The following CAPZA2 variants were observed in gnomAD, a reference collection of about 807,000 sequenced individuals.
The protein encoded by CAPZA2 is capping actin protein of muscle Z-line subunit alpha 2.
Under a neutral mutation model 44.0 loss-of-function variants are expected in CAPZA2, and 13 were observed. The ratio of observed to expected loss-of-function variants is 0.30; its 90% CI spans 0.19 to 0.47. The LOEUF (loss-of-function observed/expected upper bound fraction) is 0.47. Ranked by LOEUF, CAPZA2 falls within the 20% of genes least tolerant of loss-of-function variation. CAPZA2 has a pLI of 1.00. For synonymous variants in CAPZA2, 94 were observed against 108.2 expected, an observed-to-expected ratio of 0.87 and a Z score of 0.81; for missense variants, 244 against 338.6, an observed-to-expected ratio of 0.72 and a Z score of 2.19.
intron 1 of CAPZA2, among the ~76,000 whole-genome samples, chr7:116,872,970 T>C (rs1215130524): frequency 1.3e-5 from 2 of 152,204 alleles, no homozygotes; most frequent in African/African-American, 4.8e-5. Flanking sequence ...TCTCTGGAGA[T>C]AGATTCACTG....
intron 1 of CAPZA2, among the ~76,000 whole-genome samples, chr7:116,865,061 G>C (rs531437037): frequency 2.8e-4 from 42 of 151,882 alleles, no homozygotes; most frequent in Admixed American, 1.6e-3. Context: ...TCACAGATGA[G>C]TAGAGTGAGG....
intron 1 of CAPZA2, among the ~76,000 whole-genome samples, chr7:116,871,452 TTA>T (rs1016230919): frequency 6.6e-6 from 1 of 152,168 alleles, no homozygotes; most frequent in Non-Finnish European, 1.5e-5. Flanking sequence ...AACCTTGTTA[TTA>T]TCTTCATTGT....
chr7:116,912,987 A>AGT (rs759108153), intron 8 of CAPZA2, among the ~76,000 whole-genome samples: 2 of 152,154 alleles, frequency 1.3e-5, no homozygotes, highest in Non-Finnish European at 2.9e-5. Flanking sequence ...GTCAGTATGA[A>AGT]GTAGTGTCTT....
At chr7:116,873,809 A>C (rs1025138751) in intron 1 of CAPZA2, 1 of 154,862 alleles carries the variant, frequency 6.5e-6, no homozygotes, top group African/African-American at 2.4e-5. Flanking sequence ...GAACCCAGTC[A>C]CTTCCACCTG....
chr7:116,896,757 A>G (rs1038372215), intron 3 of CAPZA2, among the ~76,000 whole-genome samples: 1 of 152,146 alleles, frequency 6.6e-6, no homozygotes, highest in Non-Finnish European at 1.5e-5. Flanking sequence ...GCTTATAGTA[A>G]TAAGAGCTCA....
chr7:116,919,936 T>C lies in CAPZA2; in HGVS notation c.*2069T>C, dbSNP rs1791743770. The C allele has an allele frequency of 6.7e-6, 1 of 149,352 alleles. No individual in the cohort carries two copies. Among genetic ancestry groups the C allele is most frequent in the African/African-American group, 2.5e-5 (1 of 40,644 alleles). 9.3% of individuals were successfully genotyped at this position (149,352 alleles called of 1,614,324 possible). On this transcript the variant is annotated 3_prime_UTR_variant, in exon 10 of 10. Coordinates refer to ENST00000361183, the MANE Select transcript of CAPZA2 (RefSeq NM_006136.3). The stretch of plus-strand genomic sequence containing the variant: ...AAATAATGATGGCACAGAATAGTCT[T>C]TTATAGTATAAGAATGGCATTTATT...
At chr7:116,874,502 G>A (rs1485405488) in intron 1 of CAPZA2, 2 of 152,248 alleles carry the variant, frequency 1.3e-5, no homozygotes, top group African/African-American at 2.4e-5. Context: ...TAGGCACGTT[G>A]TATACAATCT....
At chr7:116,878,304 T>C (rs1021757890) in intron 1 of CAPZA2, among the ~76,000 whole-genome samples, 9 of 152,224 alleles carry the variant, frequency 5.9e-5, no homozygotes, top group African/African-American at 1.9e-4. Context: ...AGACTTACGC[T>C]GTATTGGGAG....
chr7:116,906,630 C>T (rs1362268940), intron 6 of CAPZA2: 7 of 289,632 alleles, frequency 2.4e-5, no homozygotes, highest in Non-Finnish European at 6.2e-6. Flanking sequence ...TCCATATGCT[C>T]ATTCTGTGAA....
intron 1 of CAPZA2, among the ~76,000 whole-genome samples, chr7:116,884,055 G>A (rs1796731793): frequency 6.6e-6 from 1 of 152,092 alleles, no homozygotes; most frequent in African/African-American, 2.4e-5. Flanking sequence ...GGAAGGGGAT[G>A]GGGCAGAAAG....
intron 1 of CAPZA2, among the ~76,000 whole-genome samples, chr7:116,876,127 G>A (rs941047339): frequency 2.6e-5 from 4 of 151,946 alleles, no homozygotes; most frequent in Non-Finnish European, 5.9e-5. Context: ...GCAGGCACCT[G>A]TAGTCCCAGC....
chr7:116,862,656 A>C lies in CAPZA2; in HGVS notation c.39+6A>C, dbSNP rs1796431653. The C allele has an allele frequency of 6.5e-7, 1 of 1,538,496 alleles. No individual in the cohort carries two copies. The highest frequency in any genetic ancestry group is 1.2e-5 in the South Asian group (1 of 83,390). ...AGTTGTCTGATGAAGAGAAGGTAAG[A>C]GTCGCGGGGGCGACGGCGCGGGCTG... is the stretch of plus-strand genomic sequence containing the variant. On this transcript the variant is annotated splice_donor_region_variant and intron_variant, in intron 1 of 9. Coordinates refer to ENST00000361183, the MANE Select transcript of CAPZA2 (RefSeq NM_006136.3).
At chr7:116,903,007 C>G (rs943431585) in intron 4 of CAPZA2, among the ~76,000 whole-genome samples, 2 of 152,134 alleles carry the variant, frequency 1.3e-5, no homozygotes, top group African/African-American at 4.8e-5. Context: ...GCTACCACAC[C>G]CAGTCTTATT....
At chr7:116,869,307 G>A (rs1054610380) in intron 1 of CAPZA2, among the ~76,000 whole-genome samples, 5 of 152,180 alleles carry the variant, frequency 3.3e-5, no homozygotes, top group Non-Finnish European at 7.3e-5. Flanking sequence ...TTATTTTGAG[G>A]ATTAAGTATA....
chr7:116,910,052 A>G, intron 6 of CAPZA2, 181 bp from the exon 7 acceptor site: 4 of 582,876 alleles, frequency 6.9e-6, no homozygotes, highest in Non-Finnish European at 9.2e-6. Flanking sequence ...AAAATTAAAT[A>G]TGTATCATAA....
chr7:116,881,671 A>G (rs567196021), intron 1 of CAPZA2, among the ~76,000 whole-genome samples: 78 of 148,378 alleles, frequency 5.3e-4, no homozygotes, highest in Non-Finnish European at 8.8e-4. Context: ...CCCGGGAGGC[A>G]GAGCTTGCAG....
intron 6 of CAPZA2, chr7:116,906,571 A>G (rs921338022): frequency 6.7e-6 from 4 of 594,896 alleles, no homozygotes; most frequent in South Asian, 3.7e-5. Flanking sequence ...GGGACTAGCA[A>G]ACAGCATCCT....
chr7:116,876,301 G>A (rs1449382433), intron 1 of CAPZA2: 1 of 151,150 alleles, frequency 6.6e-6, no homozygotes, highest in Admixed American at 6.6e-5. Flanking sequence ...ACTGGCTCCT[G>A]AATTTCAGGG....
chr7:116,887,486 C>T (rs1796777706), intron 1 of CAPZA2, among the ~76,000 whole-genome samples: 1 of 151,536 alleles, frequency 6.6e-6, no homozygotes, highest in Non-Finnish European at 1.5e-5. Context: ...CAAGATCACA[C>T]CACTGCACTC....
Sources: gnomAD v4.1 joint callset for allele counts (sites outside exome capture counted in the v4.1 genomes callset) on GRCh38, gnomAD v4.1.1 for gene constraint, MANE v1.5 for transcripts, NCBI Gene and HGNC (gene_info 2026-07-23, HGNC 2026-07-21) for gene names.